Variants in BTBD2 observed in about 807,000 individuals in gnomAD.
BTBD2 encodes the protein BTB/POZ domain-containing protein 2.
A neutral mutation model predicts 44.0 loss-of-function variants in BTBD2; 15 were observed. That is an observed-to-expected ratio of 0.34 (90% CI 0.23 to 0.53). BTBD2 has a LOEUF of 0.53. Among genes scored for constraint, BTBD2 ranks in the 20% least tolerant of loss-of-function variants. The pLI is 0.95. For synonymous variants in BTBD2, 443 were observed against 335.9 expected, an observed-to-expected ratio of 1.32 and a Z score of -3.49; for missense variants, 657 against 746.4, an observed-to-expected ratio of 0.88 and a Z score of 1.39.
chr19:1,998,106 CAT>C (rs1050693450), intron 1 of BTBD2, among the ~76,000 whole-genome samples: 18 of 144,850 alleles, frequency 1.2e-4, no homozygotes, highest in African/African-American at 4.5e-4. Context: ...CACACACACA[CAT>C]TCGTTCATTC....
chr19:2,000,900 G>C (rs1350921060), intron 1 of BTBD2, among the ~76,000 whole-genome samples: 1 of 152,148 alleles, frequency 6.6e-6, no homozygotes, highest in Admixed American at 6.6e-5. Flanking sequence ...CCTTGAAGAC[G>C]TCGTGCTCTA....
At chr19:2,007,183 G>A (rs948046054) in intron 1 of BTBD2, among the ~76,000 whole-genome samples, 9 of 152,054 alleles carry the variant, frequency 5.9e-5, no homozygotes, top group Admixed American at 4.6e-4. Context: ...TAGAGACGGA[G>A]TATCACCATG....
At chr19:2,003,467 C>A (rs1352291689) in intron 1 of BTBD2, 1 of 149,274 alleles carries the variant, frequency 6.7e-6, no homozygotes, top group Non-Finnish European at 1.5e-5. Context: ...GGGCAAGACT[C>A]CGTCTCAAAC....
chr19:1,993,255 A>T (rs1016231512), intron 2 of BTBD2, 79 bp from the exon 3 acceptor site: 5 of 1,487,768 alleles, frequency 3.4e-6, no homozygotes, highest in Non-Finnish European at 4.5e-6. Flanking sequence ...GACCACTCAG[A>T]CCGTTAGACT....
intron 1 of BTBD2, among the ~76,000 whole-genome samples, chr19:2,009,748 G>C (rs1055596290): frequency 4.6e-5 from 7 of 152,140 alleles, no homozygotes; most frequent in African/African-American, 1.7e-4. Flanking sequence ...TACTCAGAAG[G>C]CTGAGACAGG....
Position 1,986,265 on chromosome 19 carries a change from G to A in BTBD2, c.*223C>T. ...TGAGGGATTGTCTCCACAGGGCCTG[G>A]CCACTGGCCTGGCCACCTCCCCGGC... On this transcript the variant is annotated 3_prime_UTR_variant, in exon 9 of 9. Coordinates refer to ENST00000255608, the MANE Select transcript of BTBD2 (RefSeq NM_017797.4). 1 of 567,666 alleles carries A rather than the reference G, an allele frequency of 1.8e-6. No individual in the cohort carries two copies. The highest frequency in any genetic ancestry group is 3.1e-6 in the Non-Finnish European group (1 of 325,662). 35.2% of individuals were successfully genotyped at this position (567,666 alleles called of 1,614,324 possible). A position where few individuals can be genotyped will look rare whatever the true frequency, so the allele number is the denominator to read the frequency against.
chr19:2,008,589 CTTTT>C lies in BTBD2; in HGVS notation c.407+6704_407+6707del, dbSNP rs34228593. ...TACAGGCGTGAGCCACTGTGCCCAG[CTTTT>C]TTTTTTTTTTTTTTTAGGGACAGAG... On this transcript the variant is annotated intron_variant, in intron 1 of 8. Coordinates refer to ENST00000255608, the MANE Select transcript of BTBD2 (RefSeq NM_017797.4). Among the ~76,000 whole-genome samples the C allele has an allele frequency of 6.3e-5, 8 of 126,592 alleles. 1 individual carries two copies. Among genetic ancestry groups the C allele is most frequent in the African/African-American group, 1.9e-4 (6 of 32,012 alleles). The allele number at this position is 126,592 out of a possible 152,430, so 83.0% of individuals were successfully genotyped here.
chr19:2,001,161 G>A (rs2016325225), intron 1 of BTBD2, among the ~76,000 whole-genome samples: 1 of 152,070 alleles, frequency 6.6e-6, no homozygotes, highest in Non-Finnish European at 1.5e-5. Context: ...GTGGACACCT[G>A]TAGTCCCAGC....
chr19:1,987,632 G>T lies in BTBD2; in HGVS notation c.1049C>A (p.Thr350Asn). The change falls in exon 6 of 9, where the codon ACC becomes AAC. Residue 350 changes from threonine (T) to asparagine (N), a missense_variant. Thr to Asn is a moderately conservative substitution (Grantham distance 65, BLOSUM62 0). This residue lies in a region of BTBD2 where 449 missense variants were observed against 510.9 expected (regional missense o/e 0.88). Coordinates refer to ENST00000255608, the MANE Select transcript of BTBD2 (RefSeq NM_017797.4). ...CTCCACTCGTGGCTTGGGGTTGACG[G>T]TGAAGTGCAGGAAGAGGCTGACCAC... ...REVVSLFLHF[T>N]VNPKPRVEFI... The T allele has an allele frequency of 4.3e-6, 7 of 1,612,522 alleles. No homozygotes were observed. The highest frequency in any genetic ancestry group is 5.9e-6 in the Non-Finnish European group (7 of 1,179,690).
At position 1,990,080 on chromosome 19, in the gene BTBD2, C is replaced by G. The variant is rs752206657; in HGVS notation, c.912G>C (p.Glu304Asp). 17 of 1,613,176 alleles carry G rather than the reference C, an allele frequency of 1.1e-5. No homozygotes were observed. The highest frequency in any genetic ancestry group is 1.4e-5 in the Non-Finnish European group (17 of 1,180,048). The change falls in exon 5 of 9, where the codon GAG becomes GAC. Residue 304 changes from glutamate (E) to aspartate (D), a missense_variant. This residue lies in a region of BTBD2 where 449 missense variants were observed against 510.9 expected (regional missense o/e 0.88). Coordinates refer to ENST00000255608, the MANE Select transcript of BTBD2 (RefSeq NM_017797.4). The part of the protein sequence containing the change: ...CQRQQLQVTP[E>D]NRRKVLGKAL... ...CCTTGCCCAGAACCTTCCGCCTGTT[C>G]TCTGGCGTCACCTGCAGCTGCTGCC...
intron 3 of BTBD2, chr19:1,991,183 G>C (rs1420091318): frequency 4.6e-6 from 1 of 217,272 alleles, no homozygotes; most frequent in Admixed American, 5.5e-5. Context: ...GCAGAGGTGA[G>C]GTGGCCGGGG....
Position 2,006,710 on chromosome 19 carries a change from C to T in BTBD2, c.407+8587G>A, listed in dbSNP as rs368911181. Among the ~76,000 whole-genome samples, 12 of 151,338 alleles carry T rather than the reference C, an allele frequency of 7.9e-5. No individual in the cohort carries two copies. In the East Asian group the frequency reaches 1.2e-3, roughly 15 times the overall value. The stretch of plus-strand genomic sequence containing the variant: ...AATTAAGTTTTTTTTTTTTCTGAGA[C>T]GGAGTTTCACTCTTGTTGACCAGGC... On this transcript the variant is annotated intron_variant, in intron 1 of 8. Transcript: ENST00000255608.
intron 1 of BTBD2, among the ~76,000 whole-genome samples, chr19:2,007,280 T>C (rs111575524): frequency 0.013 from 2,022 of 152,318 alleles, 38 homozygotes; most frequent in African/African-American, 0.045. Flanking sequence ...TGTAATCCAC[T>C]GCACCTGGCC....
At chr19:1,994,315 C>CA (rs1013081124) in intron 2 of BTBD2, among the ~76,000 whole-genome samples, 22 of 143,678 alleles carry the variant, frequency 1.5e-4, no homozygotes, top group South Asian at 2.2e-4. Flanking sequence ...GACTCCCTCT[C>CA]AAAAAAAAAA....
At chr19:1,987,437 T>A in intron 6 of BTBD2, 63 bp downstream of exon 6, 1 of 640,914 alleles carries the variant, frequency 1.6e-6, no homozygotes, top group Non-Finnish European at 2.2e-6. Context: ...GCCCCCCATC[T>A]CCGTCATCCC....
rs758283086 is a variant in BTBD2, at chr19:2,015,322, T to C, written c.382A>G (p.Ser128Gly). Residue 128 changes from serine (S) to glycine (G), a missense_variant, in exon 1 of 9, where the codon AGC becomes GGC. By Grantham distance (56) the Ser-to-Gly change is moderately conservative. Transcript: ENST00000255608. ...DVHFLVGKGLSSQRIPAHRFV... is the reference protein window; with the variant it reads ...DVHFLVGKGLGSQRIPAHRFV... ...CTGTGCGCGGGGATGCGCTGCGAGC[T>C]GAGCCCCTTGCCCACCAGGAAGTGC... 22 of 1,575,248 alleles carry C rather than the reference T, an allele frequency of 1.4e-5. No homozygotes were observed. The South Asian group carries it at 1.8e-4, about 13-fold the overall frequency.
intron 4 of BTBD2, among the ~76,000 whole-genome samples, 167 bp downstream of exon 4, chr19:1,990,550 G>C (rs1338189821): frequency 2.0e-5 from 3 of 152,184 alleles, no homozygotes; most frequent in Non-Finnish European, 2.9e-5. Context: ...CAAGGCCCCG[G>C]ACTCCCGTGG....
intron 1 of BTBD2, among the ~76,000 whole-genome samples, chr19:2,000,206 T>C (rs918458563): frequency 3.0e-4 from 45 of 152,054 alleles, no homozygotes; most frequent in African/African-American, 1.1e-3. Context: ...CCCCAGTGTG[T>C]GGGCATTGGG....
Position 1,986,164 on chromosome 19 carries a change from AGAC to A in BTBD2, c.*321_*323del. 2.8e-6 allele frequency: 1 copy of A among 354,910 alleles called. No homozygotes were observed. The highest frequency in any genetic ancestry group is 4.7e-5 in the South Asian group (1 of 21,502). 22.0% of individuals were successfully genotyped at this position (354,910 alleles called of 1,614,324 possible). A position where few individuals can be genotyped will look rare whatever the true frequency, so the allele number is the denominator to read the frequency against. On this transcript the variant is annotated 3_prime_UTR_variant, in exon 9 of 9. Transcript: ENST00000255608. Reference sequence around the variant, plus strand: ...GGGACGCCCGCGGCGCACCGCCGGCAGACGACGTGGGCAGGCGCCCTGAGCTGC... The same window carrying A: ...GGGACGCCCGCGGCGCACCGCCGGCAGACGTGGGCAGGCGCCCTGAGCTGC...
Sources: allele counts gnomAD v4.1 joint callset (sites outside exome capture counted in the v4.1 genomes callset), GRCh38; gene constraint gnomAD v4.1.1; regional missense constraint gnomAD v4.1.1; transcripts MANE v1.5; gene names NCBI Gene and HGNC (gene_info 2026-07-23, HGNC 2026-07-21).